HK1: variants seen among roughly 807,000 people sequenced by gnomAD.
The protein encoded by HK1 is hexokinase-1.
Under a neutral mutation model 91.6 loss-of-function variants are expected in HK1, and 28 were observed. That is an observed-to-expected ratio of 0.31 (90% CI 0.23 to 0.42). The LOEUF is 0.42. Ranked by LOEUF, HK1 falls within the 10% of genes least tolerant of loss-of-function variation. The pLI, the probability that HK1 is intolerant of heterozygous loss-of-function variation, is 1.00. For synonymous variants in HK1, 430 were observed against 468.1 expected (o/e 0.92, Z 1.05); for missense variants, 770 against 1,219.8 (o/e 0.63, Z 5.49).
At chr10:69,342,538 GT>G (rs1437357404) in intron 1 of HK1, among the ~76,000 whole-genome samples, 1 of 152,240 alleles carries the variant, frequency 6.6e-6, no homozygotes, top group Non-Finnish European at 1.5e-5. Flanking sequence ...GGTAGAGGTG[GT>G]TTGGCCGGAG....
In HK1 at chr10:69,392,157, A is replaced by T; in HGVS notation, c.2068A>T (p.Met690Leu). ...TGSNACYMEEMKNVEMVEGDQ... is the reference protein window; with the variant it reads ...TGSNACYMEELKNVEMVEGDQ... ...CAGCAATGCCTGCTACATGGAGGAGATGAAGAACGTGGAGATGGTGGAGGG... is the reference window on the plus strand; with the variant it reads ...CAGCAATGCCTGCTACATGGAGGAGTTGAAGAACGTGGAGATGGTGGAGGG... Residue 690 changes from methionine (M) to leucine (L), a missense_variant, in exon 15 of 18, where the codon ATG becomes TTG. Transcript: ENST00000359426. The T allele has an allele frequency of 6.2e-7, 1 of 1,614,132 alleles. No individual in the cohort carries two copies.
chr10:69,334,118 GAA>G (rs1847863352), intron 1 of HK1, among the ~76,000 whole-genome samples: 1 of 151,600 alleles, frequency 6.6e-6, no homozygotes, highest in African/African-American at 2.4e-5. Flanking sequence ...TCTCAAAAAA[GAA>G]AAAAATGGGG....
At position 69,384,897 on chromosome 10, in the gene HK1, G is replaced by T; in HGVS notation, c.1821G>T (p.Gln607His). 3 of 1,614,220 alleles carry T rather than the reference G, an allele frequency of 1.9e-6. No homozygotes were observed. Among genetic ancestry groups the T allele is most frequent in the Non-Finnish European group, 2.5e-6 (3 of 1,180,032 alleles). Residue 607 changes from glutamine (Q) to histidine (H), a missense_variant, in exon 12 of 18, where the codon CAG becomes CAT. Physicochemically the swap from Gln to His is conservative, Grantham distance 24. Coordinates refer to ENST00000359426, the MANE Select transcript of HK1 (RefSeq NM_000188.3). Reference sequence around the variant, plus strand: ...GCTTCACGTTCTCATTTCCCTGCCAGCAGACGAGTCTGGACGCGGTGAGTC... The same window carrying T: ...GCTTCACGTTCTCATTTCCCTGCCATCAGACGAGTCTGGACGCGGTGAGTC... ...PLGFTFSFPC[Q>H]QTSLDAGILI...
At chr10:69,351,036 G>A (rs1284772938) in intron 2 of HK1, among the ~76,000 whole-genome samples, 2 of 148,140 alleles carry the variant, frequency 1.4e-5, no homozygotes, top group Non-Finnish European at 3.0e-5. Context: ...TTAGCTGGGC[G>A]TGGTGGCGGG....
chr10:69,294,138 G>A (rs1475384354), intron 3 of HK1, among the ~76,000 whole-genome samples: 1 of 152,126 alleles, frequency 6.6e-6, no homozygotes, highest in Non-Finnish European at 1.5e-5. Flanking sequence ...TGGGATTACA[G>A]GCGTGAGCCA....
At chr10:69,393,401 A>ATT (rs1839996696) in intron 15 of HK1, among the ~76,000 whole-genome samples, 1 of 147,650 alleles carries the variant, frequency 6.8e-6, no homozygotes, top group Non-Finnish European at 1.5e-5. Flanking sequence ...GGTTCAAGTG[A>ATT]TTCTCCTGCC....
intron 7 of HK1, among the ~76,000 whole-genome samples, chr10:69,373,976 A>C (rs1199729000): frequency 6.6e-6 from 1 of 152,068 alleles, no homozygotes; most frequent in Non-Finnish European, 1.5e-5. Flanking sequence ...GTGATTCCTT[A>C]TCACATCCTT....
intron 2 of HK1, among the ~76,000 whole-genome samples, chr10:69,288,406 C>T (rs928933797): frequency 2.0e-5 from 3 of 152,182 alleles, no homozygotes; most frequent in Non-Finnish European, 2.9e-5. Context: ...CCCAGGAGTT[C>T]GAAACCAGCC....
At chr10:69,354,646 G>T (rs1348542687) in intron 2 of HK1, among the ~76,000 whole-genome samples, 1 of 117,302 alleles carries the variant, frequency 8.5e-6, no homozygotes, top group African/African-American at 3.8e-5. Flanking sequence ...CATATCAGGT[G>T]CCTTGAATGA....
chr10:69,357,264 A>G (rs1467465552), intron 2 of HK1, among the ~76,000 whole-genome samples: 1 of 152,244 alleles, frequency 6.6e-6, no homozygotes, highest in Admixed American at 6.5e-5. Context: ...GTTATTCATA[A>G]TAGCCAAAAG....
chr10:69,340,735 T>C (rs929142335), intron 1 of HK1, among the ~76,000 whole-genome samples: 6 of 152,250 alleles, frequency 3.9e-5, no homozygotes, highest in African/African-American at 1.4e-4. Context: ...TGCTCCTCCA[T>C]TCTCCACGCA....
chr10:69,362,634 C>G (rs972299584), intron 3 of HK1, among the ~76,000 whole-genome samples: 5 of 152,020 alleles, frequency 3.3e-5, no homozygotes, highest in Admixed American at 3.3e-4. Flanking sequence ...TTGTGTTTGG[C>G]CTGGATCCGG....
At chr10:69,388,269 G>A (rs774256695) in intron 13 of HK1, among the ~76,000 whole-genome samples, 3 of 152,010 alleles carry the variant, frequency 2.0e-5, no homozygotes, top group East Asian at 1.9e-4. Context: ...GTAAGACCCC[G>A]TCTCTATAAG....
At chr10:69,295,449 G>C (rs1845513855) in intron 3 of HK1, among the ~76,000 whole-genome samples, 1 of 152,206 alleles carries the variant, frequency 6.6e-6, no homozygotes, top group African/African-American at 2.4e-5. Flanking sequence ...GCACATGACT[G>C]AGCTCTGCTG....
chr10:69,347,921 C>T (rs574169284), intron 2 of HK1, among the ~76,000 whole-genome samples: 2 of 152,194 alleles, frequency 1.3e-5, no homozygotes, highest in African/African-American at 4.8e-5. Flanking sequence ...GCCTTTAGTT[C>T]AAAATACTCA....
chr10:69,359,905 G>T lies in HK1; in HGVS notation c.235G>T (p.Asp79Tyr). 2 of 1,614,164 alleles carry T rather than the reference G, an allele frequency of 1.2e-6. No homozygotes were observed. Among genetic ancestry groups the T allele is most frequent in the Non-Finnish European group, 8.5e-7 (1 of 1,179,984 alleles). Residue 79 changes from aspartate to tyrosine, a missense_variant, in exon 3 of 18, where the codon GAT (aspartate) becomes TAT (tyrosine). Asp to Tyr is a radical substitution (Grantham distance 160, BLOSUM62 -3). Transcript: ENST00000359426. ...RSIPDGSEKG[D>Y]FIALDLGGSS... Reference sequence around the variant, plus strand: ...GTTGTCTCCCTAAACAGAAAAGGGAGATTTCATTGCCCTGGATCTTGGTGG... The same window carrying T: ...GTTGTCTCCCTAAACAGAAAAGGGATATTTCATTGCCCTGGATCTTGGTGG...
chr10:69,326,506 G>A (rs1254645808), intron 1 of HK1, among the ~76,000 whole-genome samples: 2 of 152,184 alleles, frequency 1.3e-5, no homozygotes, highest in African/African-American at 2.4e-5. Flanking sequence ...ATCAGGAATA[G>A]GATTCAGAGG....
At chr10:69,295,642 G>C (rs752193829) in exon 4 of HK1, 1 of 1,609,436 alleles carries the variant, frequency 6.2e-7, no homozygotes, top group Non-Finnish European at 8.5e-7. Context: ...GGCTACAGCA[G>C]CTGAAAAACC....
In HK1 at chr10:69,289,461, AT is replaced by A. The variant is rs67564699; in HGVS notation, c.-115+719del. Among the ~76,000 whole-genome samples the A allele has an allele frequency of 2.9e-3, 332 of 112,702 alleles. 1 individual carries two copies. The highest frequency in any genetic ancestry group is 0.012 in the African/African-American group (300 of 25,562). The allele number at this position is 112,702 out of a possible 152,430, so 73.9% of individuals were successfully genotyped here. On this transcript the variant is annotated intron_variant, in intron 3 of 21. Transcript: ENST00000360289. The stretch of plus-strand genomic sequence containing the variant: ...GGGCTTCTGCCCATTAAAAAAAAAA[AT>A]TTTTTTTTTTTTTTTTTTTTTTTTT...
Sources: gnomAD v4.1 joint callset for allele counts (sites outside exome capture counted in the v4.1 genomes callset) on GRCh38, gnomAD v4.1.1 for gene constraint, MANE v1.5 for transcripts, NCBI Gene and HGNC (gene_info 2026-07-23, HGNC 2026-07-21) for gene names.